Variants in ADGRL2 observed in about 807,000 individuals in gnomAD.
ADGRL2 encodes the protein calcium-independent alpha-latrotoxin receptor 2.
In ADGRL2, 44 loss-of-function variants were observed where a neutral mutation model predicts 157.4. That is an observed-to-expected ratio of 0.28 (90% CI 0.22 to 0.36). ADGRL2 has a LOEUF of 0.36. Among genes scored for constraint, ADGRL2 ranks in the 10% least tolerant of loss-of-function variants. The pLI, the probability that ADGRL2 is intolerant of heterozygous loss-of-function variation, is 1.00. For missense variants in ADGRL2, 1,510 were observed against 1,768.9 expected, an observed-to-expected ratio of 0.85 and a Z score of 2.63; for synonymous variants, 585 against 624.7, an observed-to-expected ratio of 0.94 and a Z score of 0.95.
intron 1 of ADGRL2, among the ~76,000 whole-genome samples, chr1:81,758,650 C>T (rs1368638330): frequency 2.6e-5 from 4 of 152,168 alleles, no homozygotes. Context: ...GGTTCTATCA[C>T]CTTTTCTACA....
chr1:81,680,327 C>A (rs1394471556), intron 3 of ADGRL2, among the ~76,000 whole-genome samples: 1 of 152,182 alleles, frequency 6.6e-6, no homozygotes, highest in Non-Finnish European at 1.5e-5. Flanking sequence ...TCTTTGTTGA[C>A]AGTTGCAAAG....
intron 1 of ADGRL2, among the ~76,000 whole-genome samples, chr1:81,311,078 T>G (rs1272487177): frequency 6.6e-6 from 1 of 152,158 alleles, no homozygotes; most frequent in Non-Finnish European, 1.5e-5. Flanking sequence ...GAGGAAGGTG[T>G]GCAAAAATAT....
intron 1 of ADGRL2, among the ~76,000 whole-genome samples, chr1:81,806,698 A>G (rs2089208917): frequency 6.6e-6 from 1 of 151,700 alleles, no homozygotes. Flanking sequence ...GTGGAATTCT[A>G]AGATGTAGGT....
chr1:81,992,968 G>A lies in ADGRL2; in HGVS notation c.*1823G>A, dbSNP rs1186263443. ...CTATAATTCTCAAATACTACCACTA[G>A]CTTATAAATCACTTTTATGTGGACA... On this transcript the variant is annotated 3_prime_UTR_variant, in exon 24 of 24. Coordinates refer to ENST00000686636, the MANE Select transcript of ADGRL2 (RefSeq NM_001366006.2). 7.0e-6 allele frequency among the ~76,000 whole-genome samples: 1 copy of A among 142,240 alleles called. No homozygotes were observed. The highest frequency in any genetic ancestry group is 2.7e-5 in the African/African-American group (1 of 37,542). The allele number at this position is 142,240 out of a possible 152,430, so 93.3% of individuals were successfully genotyped here. A position where few individuals can be genotyped will look rare whatever the true frequency, so the allele number is the denominator to read the frequency against.
intron 3 of ADGRL2, among the ~76,000 whole-genome samples, chr1:81,933,493 C>T (rs1226421013): frequency 1.3e-5 from 2 of 152,136 alleles, no homozygotes; most frequent in African/African-American, 4.8e-5. Context: ...TCTTTCTTGG[C>T]TTAACTCTAC....
chr1:81,990,881 T>C lies in ADGRL2; in HGVS notation c.4146T>C (p.Tyr1382=). 8.7e-6 allele frequency: 14 copies of C among 1,614,096 alleles called. No individual in the cohort carries two copies. Among genetic ancestry groups the C allele is most frequent in the Non-Finnish European group, 9.3e-6 (11 of 1,180,012 alleles). Reference sequence around the variant, plus strand: ...AGTCCCCCAACAGAGACTCTCTTTATACAAGCATGCCCAATCTTAGAGACT... The same window carrying C: ...AGTCCCCCAACAGAGACTCTCTTTACACAAGCATGCCCAATCTTAGAGACT... ...HLQSPNRDSL[Y]TSMPNLRDSP... Residue 1382 remains tyrosine, a synonymous_variant, in exon 24 of 24, where the codon TAT becomes TAC. Transcript: ENST00000686636.
chr1:81,684,168 C>T (rs915965046), intron 3 of ADGRL2, among the ~76,000 whole-genome samples: 2 of 152,190 alleles, frequency 1.3e-5, no homozygotes, highest in African/African-American at 4.8e-5. Context: ...ATTGCTGAAT[C>T]AAATGGTAGT....
chr1:81,528,212 C>G (rs1339586119), intron 2 of ADGRL2, among the ~76,000 whole-genome samples: 2 of 152,176 alleles, frequency 1.3e-5, no homozygotes, highest in African/African-American at 4.8e-5. Flanking sequence ...TATAAATTAA[C>G]CAGTTTTAGA....
At chr1:81,743,876 G>A (rs2085157407) in intron 1 of ADGRL2, among the ~76,000 whole-genome samples, 1 of 152,098 alleles carries the variant, frequency 6.6e-6, no homozygotes, top group Non-Finnish European at 1.5e-5. Context: ...GCTAACCTGT[G>A]TCAGCATTTG....
intron 3 of ADGRL2, among the ~76,000 whole-genome samples, chr1:81,925,057 T>A (rs1206983462): frequency 3.3e-5 from 5 of 152,106 alleles, no homozygotes. Context: ...GTATACTCTC[T>A]ATAAGTAGAT....
chr1:81,501,597 GC>G (rs1385883604), intron 2 of ADGRL2, among the ~76,000 whole-genome samples: 2 of 152,214 alleles, frequency 1.3e-5, no homozygotes, highest in Non-Finnish European at 2.9e-5. Flanking sequence ...CCCGGCTGTG[GC>G]CCCCGGCTGC....
intron 3 of ADGRL2, among the ~76,000 whole-genome samples, chr1:81,664,263 A>G (rs915212262): frequency 1.3e-5 from 2 of 152,158 alleles, no homozygotes; most frequent in African/African-American, 4.8e-5. Context: ...TCAGACATCT[A>G]GAATATAGTA....
At chr1:81,709,502 C>A in intron 1 of ADGRL2, among the ~76,000 whole-genome samples, 1 of 151,932 alleles carries the variant, frequency 6.6e-6, no homozygotes, top group East Asian at 1.9e-4. Flanking sequence ...ATGACTTTGG[C>A]TTGAAGGAAG....
chr1:81,706,608 G>A (rs1020546593), intron 1 of ADGRL2, among the ~76,000 whole-genome samples: 1 of 152,198 alleles, frequency 6.6e-6, no homozygotes, highest in African/African-American at 2.4e-5. Context: ...TCAACGAAAA[G>A]AGAGAACAGG....
In ADGRL2 at chr1:81,907,130, A is replaced by G; in HGVS notation, c.187A>G (p.Asn63Asp). The change falls in exon 3 of 24, where the codon AAC becomes GAC. Residue 63 changes from asparagine (N) to aspartate (D), a missense_variant. Transcript: ENST00000686636. ...TGATGTCATCATGATTGAGAGCGCT[A>G]ACTATGGTCGGACGGATGACAAGAT... ...GSDVIMIESA[N>D]YGRTDDKICD... 6.2e-7 allele frequency: 1 copy of G among 1,614,086 alleles called. No homozygotes were observed. The highest frequency in any genetic ancestry group is 8.5e-7 in the Non-Finnish European group (1 of 1,179,966).
rs186711304 is a variant in ADGRL2 at position 81,788,204 on chromosome 1, A to T, written c.-101+26352A>T. 6.8e-4 allele frequency among the ~76,000 whole-genome samples: 103 copies of T among 152,304 alleles called. No individual in the cohort carries two copies. In the East Asian group the frequency reaches 0.018, roughly 26 times the overall value. ...ATGACAGAGAATACAGGGAGTAAGAAAGGGTGATAGTTTGGATTTTTGTCC... is the reference window on the plus strand; with the variant it reads ...ATGACAGAGAATACAGGGAGTAAGATAGGGTGATAGTTTGGATTTTTGTCC... On this transcript the variant is annotated intron_variant, in intron 2 of 20. Coordinates refer to the ADGRL2 transcript ENST00000359929.
intron 1 of ADGRL2, among the ~76,000 whole-genome samples, chr1:81,398,725 C>T (rs2076699606): frequency 1.3e-5 from 2 of 152,084 alleles, no homozygotes; most frequent in Non-Finnish European, 2.9e-5. Flanking sequence ...ATATATCACC[C>T]AATTCTCTCC....
At chr1:81,949,994 A>T (rs538119957) in intron 6 of ADGRL2, among the ~76,000 whole-genome samples, 195 bp from the exon 7 acceptor site, 1 of 152,222 alleles carries the variant, frequency 6.6e-6, no homozygotes, top group Non-Finnish European at 1.5e-5. Context: ...AGCCATCAGT[A>T]TAAATAAATT....
chr1:81,804,832 AT>A (rs2088861530), intron 1 of ADGRL2, among the ~76,000 whole-genome samples: 1 of 152,172 alleles, frequency 6.6e-6, no homozygotes, highest in Non-Finnish European at 1.5e-5. Context: ...TTAGTTTTTA[AT>A]TAGTCTCTAA....
Sources: gnomAD v4.1 joint callset for allele counts (sites outside exome capture counted in the v4.1 genomes callset) on GRCh38, gnomAD v4.1.1 for gene constraint, MANE v1.5 for transcripts, NCBI Gene and HGNC (gene_info 2026-07-23, HGNC 2026-07-21) for gene names.